The following ARPC2 variants were observed in gnomAD, a reference collection of about 807,000 sequenced individuals.
The protein encoded by ARPC2 is actin-related protein 2/3 complex subunit 2.
Under a neutral mutation model 38.6 loss-of-function variants are expected in ARPC2, and 4 were observed. The ratio of observed to expected loss-of-function variants is 0.10; its 90% CI spans 0.05 to 0.24. ARPC2 has a LOEUF of 0.24. Ranked by LOEUF, ARPC2 falls within the 10% of genes least tolerant of loss-of-function variation. The probability of loss-of-function intolerance (pLI) is 1.00; values close to 1 mark genes in which losing one functional copy is unlikely to be tolerated. For synonymous variants in ARPC2, 125 were observed against 140.8 expected (o/e 0.89, Z 0.79); for missense variants, 229 against 387.3 (o/e 0.59, Z 3.43).
chr2:218,217,657 G>A (rs964596365), intron 2 of ARPC2, 113 bp downstream of exon 2: 3 of 1,158,512 alleles, frequency 2.6e-6, no homozygotes, highest in Non-Finnish European at 3.7e-6. Flanking sequence ...TGCCTGGCAG[G>A]GTGTAGGGGC....
intron 7 of ARPC2, among the ~76,000 whole-genome samples, chr2:218,244,063 A>T (rs148863306): frequency 6.6e-6 from 1 of 152,076 alleles, no homozygotes; most frequent in African/African-American, 2.4e-5. Flanking sequence ...TAGAATAAAA[A>T]ATGTTTTCTA....
At chr2:218,246,840 A>G (rs1484405124) in intron 8 of ARPC2, among the ~76,000 whole-genome samples, 1 of 151,946 alleles carries the variant, frequency 6.6e-6, no homozygotes, top group Non-Finnish European at 1.5e-5. Context: ...ACATGGTGAC[A>G]TGTGCCTATA....
chr2:218,253,472 T>G (rs1396835674), intron 10 of ARPC2, among the ~76,000 whole-genome samples: 5 of 152,178 alleles, frequency 3.3e-5, no homozygotes, highest in African/African-American at 1.2e-4. Context: ...TGGTGAGAGA[T>G]AAAGGAACTG....
intron 7 of ARPC2, among the ~76,000 whole-genome samples, chr2:218,241,133 G>A (rs185929494): frequency 5.4e-4 from 82 of 152,274 alleles, no homozygotes; most frequent in African/African-American, 1.8e-3. Context: ...CTGTTCCTTG[G>A]CAGGGTGGTA....
intron 7 of ARPC2, among the ~76,000 whole-genome samples, chr2:218,240,187 T>C (rs1689880172): frequency 6.6e-6 from 1 of 151,664 alleles, no homozygotes; most frequent in Non-Finnish European, 1.5e-5. Context: ...TCTCCTGACC[T>C]CATGATCCGC....
At chr2:218,231,251 T>A (rs1251489859) in intron 4 of ARPC2, among the ~76,000 whole-genome samples, 1 of 152,024 alleles carries the variant, frequency 6.6e-6, no homozygotes, top group Non-Finnish European at 1.5e-5. Context: ...GGGTACAAAC[T>A]GAAAAGTGAA....
In ARPC2 at chr2:218,238,720, A is replaced by T; in HGVS notation, c.325A>T (p.Ile109Phe). The T allele has an allele frequency of 3.1e-6, 5 of 1,612,500 alleles. No homozygotes were observed. Among genetic ancestry groups the T allele is most frequent in the Non-Finnish European group, 4.2e-6 (5 of 1,179,828 alleles). The change falls in exon 6 of 11, where the codon ATT becomes TTT. Residue 109 changes from isoleucine to phenylalanine, a missense_variant. Ile to Phe is a conservative substitution (Grantham distance 21). Transcript: ENST00000315717. ...AAATCTTCCGGCATCCAAGGATTCC[A>T]TTGTGCATCAAGCTGGCATGTTGAA... is the stretch of plus-strand genomic sequence containing the variant. ...LENLPASKDS[I>F]VHQAGMLKRN...
At chr2:218,252,555 A>G (rs911913683) in intron 10 of ARPC2, among the ~76,000 whole-genome samples, 38 of 152,132 alleles carry the variant, frequency 2.5e-4, no homozygotes, top group African/African-American at 8.9e-4. Context: ...TGCTGCTTTC[A>G]GGGCCCAGTA....
chr2:218,232,811 C>T (rs1279270817), intron 4 of ARPC2, among the ~76,000 whole-genome samples: 11 of 151,982 alleles, frequency 7.2e-5, no homozygotes, highest in Admixed American at 4.6e-4. Context: ...CTCCTGACCT[C>T]GTGATCACCC....
rs1404910498 is a variant in ARPC2 at position 218,230,276 on chromosome 2, CT to C, written c.222+1436del. 1.7e-4 allele frequency among the ~76,000 whole-genome samples: 19 copies of C among 112,458 alleles called. 1 individual carries two copies. In the South Asian group the frequency reaches 2.1e-3, roughly 12 times the overall value. 73.8% of individuals were successfully genotyped at this position (112,458 alleles called of 152,430 possible). A position where few individuals can be genotyped will look rare whatever the true frequency, so the allele number is the denominator to read the frequency against. On this transcript the variant is annotated intron_variant, in intron 4 of 10. Transcript: ENST00000315717. ...TGTGAGCCACCGTGCCCAGCCTTTT[CT>C]TTTTTTTTTCTTTTTTTTTTTTTTT...
intron 10 of ARPC2, among the ~76,000 whole-genome samples, chr2:218,251,908 G>C (rs1690201283): frequency 6.6e-6 from 1 of 152,136 alleles, no homozygotes; most frequent in African/African-American, 2.4e-5. Flanking sequence ...AGTAGGTGAG[G>C]GTTTTCAGAC....
intron 2 of ARPC2, among the ~76,000 whole-genome samples, chr2:218,224,269 T>C (rs1198574720): frequency 6.6e-6 from 1 of 152,174 alleles, no homozygotes; most frequent in Non-Finnish European, 1.5e-5. Context: ...TTCTCAGGTC[T>C]TTTGACAAAG....
chr2:218,217,607 A>G (rs12694432), intron 2 of ARPC2, 63 bp downstream of exon 2: 730,794 of 1,479,830 alleles, frequency 0.49, 187,264 homozygotes, highest in South Asian at 0.62. Flanking sequence ...CTAATCCCCA[A>G]TGTTGTCCAG....
chr2:218,220,502 A>G (rs1689358210), intron 2 of ARPC2, among the ~76,000 whole-genome samples: 1 of 152,214 alleles, frequency 6.6e-6, no homozygotes. Context: ...GCAAAGTTCT[A>G]TTAGCACTGT....
intron 5 of ARPC2, 48 bp from the exon 6 acceptor site, chr2:218,238,616 T>A: frequency 2.4e-6 from 2 of 829,792 alleles, no homozygotes; most frequent in Non-Finnish European, 3.6e-6. Context: ...TTTTTTTAAA[T>A]GTAACTGCTG....
intron 2 of ARPC2, 32 bp downstream of exon 2, chr2:218,217,576 G>A: frequency 6.3e-7 from 1 of 1,588,568 alleles, no homozygotes; most frequent in Non-Finnish European, 8.6e-7. Flanking sequence ...GGGGTGGCGG[G>A]GGAAGCAGAG....
In ARPC2 at chr2:218,221,523, ACTTGGGACCACTTTGGTCC is replaced by A. The variant is rs570192124; in HGVS notation, c.74+3980_74+3998del. Reference sequence around the variant, plus strand: ...CACACTGCCACCTGTCCTGTGGCCTACTTGGGACCACTTTGGTCCTGAAGCCCCAGAGCTGTGCTGGACC... The same window carrying A: ...CACACTGCCACCTGTCCTGTGGCCTATGAAGCCCCAGAGCTGTGCTGGACC... On this transcript the variant is annotated intron_variant, in intron 2 of 10. Transcript: ENST00000315717. Among the ~76,000 whole-genome samples, 11 of 152,330 alleles carry A rather than the reference ACTTGGGACCACTTTGGTCC, an allele frequency of 7.2e-5. 1 individual carries two copies. The South Asian group carries it at 2.1e-3, about 29-fold the overall frequency.
At chr2:218,221,134 A>C (rs1384621812) in intron 2 of ARPC2, among the ~76,000 whole-genome samples, 3 of 152,144 alleles carry the variant, frequency 2.0e-5, no homozygotes, top group East Asian at 3.9e-4. Context: ...TGGAGTCCAA[A>C]ATTGAGGAAA....
chr2:218,243,056 C>T (rs1366913240), intron 7 of ARPC2, among the ~76,000 whole-genome samples: 5 of 152,092 alleles, frequency 3.3e-5, no homozygotes, highest in Non-Finnish European at 5.9e-5. Context: ...AGAAATTTAC[C>T]TGTTATTTTC....
Sources: allele counts gnomAD v4.1 joint callset (sites outside exome capture counted in the v4.1 genomes callset), GRCh38; gene constraint gnomAD v4.1.1; transcripts MANE v1.5; gene names NCBI Gene and HGNC (gene_info 2026-07-23, HGNC 2026-07-21).